Variants in SATB1 observed in about 807,000 individuals in gnomAD.
SATB1 encodes the protein DNA-binding protein SATB1.
In SATB1, 11 loss-of-function variants were observed where a neutral mutation model predicts 86.9. The ratio of observed to expected loss-of-function variants is 0.13; its 90% CI spans 0.08 to 0.21. The LOEUF (loss-of-function observed/expected upper bound fraction) is 0.21. Ranked by LOEUF, SATB1 falls within the 10% of genes least tolerant of loss-of-function variation. SATB1 has a pLI of 1.00. For missense variants in SATB1, 551 were observed against 937.6 expected (o/e 0.59, Z 5.39); for synonymous variants, 357 against 357.2 (o/e 1.00, Z 0.01).
chr3:18,432,340 T>G (rs993802233), intron 2 of SATB1, among the ~76,000 whole-genome samples: 1 of 152,204 alleles, frequency 6.6e-6, no homozygotes, highest in Non-Finnish European at 1.5e-5. Context: ...GATGTACATA[T>G]CAACCAAATT....
At position 18,349,640 on chromosome 3, in the gene SATB1, CCTGCTGCTG is replaced by C. The variant is rs759934751; in HGVS notation, c.1813_1821del (p.Gln605_Gln607del). On this transcript the variant is annotated inframe_deletion, in exon 11 of 11. Coordinates refer to ENST00000338745, the MANE Select transcript of SATB1 (RefSeq NM_002971.6). The surrounding 1 kb of genome is among the most constrained non-coding windows in gnomAD (Gnocchi z 5.5). ...TGCTGTGGCTGTGGAGGCGGCGGTG[CCTGCTGCTG>C]CTGCTGCTGCTGTTGCTGTTGCTGC... is the stretch of plus-strand genomic sequence containing the variant. The C allele has an allele frequency of 2.5e-6, 4 of 1,609,580 alleles. No individual in the cohort carries two copies. Among genetic ancestry groups the C allele is most frequent in the Non-Finnish European group, 3.4e-6 (4 of 1,178,122 alleles).
intron 9 of SATB1, among the ~76,000 whole-genome samples, chr3:18,360,348 A>C (rs1180610301): frequency 6.6e-6 from 1 of 152,130 alleles, no homozygotes; most frequent in African/African-American, 2.4e-5. Flanking sequence ...CATGACCTTC[A>C]GTGGCTTCCC....
chr3:18,352,420 G>A lies in SATB1; in HGVS notation c.1576-225C>T. The A allele has an allele frequency of 4.0e-6, 2 of 501,428 alleles. No homozygotes were observed. The highest frequency in any genetic ancestry group is 7.2e-6 in the Non-Finnish European group (2 of 278,730). The allele number at this position is 501,428 out of a possible 1,614,324, so 31.1% of individuals were successfully genotyped here. On this transcript the variant is annotated intron_variant, in intron 9 of 10. Transcript: ENST00000338745. The surrounding 1 kb of genome is among the most constrained non-coding windows in gnomAD (Gnocchi z 4.1). ...AGTTCAGATTTGCATCTCAAAGGAG[G>A]GACATATTTTTTCAGACTCTGAGGG...
chr3:18,366,436 T>C (rs1335714439), intron 9 of SATB1, among the ~76,000 whole-genome samples: 1 of 146,550 alleles, frequency 6.8e-6, no homozygotes, highest in African/African-American at 2.7e-5. Context: ...GAAAAAAACT[T>C]CCATCAATCA....
In SATB1 at chr3:18,348,897, G is replaced by A. The variant is rs929172781; in HGVS notation, c.*273C>T. On this transcript the variant is annotated 3_prime_UTR_variant, in exon 11 of 11. Transcript: ENST00000338745. Reference sequence around the variant, plus strand: ...CAAAAAACACTGGTTTCATGCTTACGGGGTACACACTTTGGTGCATCCCGT... The same window carrying A: ...CAAAAAACACTGGTTTCATGCTTACAGGGTACACACTTTGGTGCATCCCGT... The A allele has an allele frequency of 2.7e-5, 12 of 443,176 alleles. No homozygotes were observed. Among genetic ancestry groups the A allele is most frequent in the African/African-American group, 8.0e-5 (4 of 50,072 alleles). The allele number at this position is 443,176 out of a possible 1,614,324, so 27.5% of individuals were successfully genotyped here.
chr3:18,386,720 C>A lies in SATB1; in HGVS notation c.1207-109G>T. 1.2e-6 allele frequency: 1 copy of A among 810,796 alleles called. No homozygotes were observed. The highest frequency in any genetic ancestry group is 1.7e-5 in the African/African-American group (1 of 58,700). The allele number at this position is 810,796 out of a possible 1,614,324, so 50.2% of individuals were successfully genotyped here. ...TGTTTAGAAAATGAACAGTCAGAGG[C>A]ATTAATTCTGCATAGGAATATATTA... On this transcript the variant is annotated intron_variant, in intron 7 of 10. Coordinates refer to ENST00000338745, the MANE Select transcript of SATB1 (RefSeq NM_002971.6). This position sits in a 1 kb window ranked among gnomAD's most constrained non-coding sequence, Gnocchi z 4.5.
In SATB1 at chr3:18,416,184, A is replaced by G. The variant is rs111726007; in HGVS notation, c.389-51T>C. The G allele has an allele frequency of 2.4e-5, 36 of 1,473,338 alleles. No individual in the cohort carries two copies. In the South Asian group the frequency reaches 2.9e-4, roughly 12 times the overall value. The allele number at this position is 1,473,338 out of a possible 1,614,324, so 91.3% of individuals were successfully genotyped here. A position where few individuals can be genotyped will look rare whatever the true frequency, so the allele number is the denominator to read the frequency against. ...ACTAAATATTTTACCCTCAGATAAT[A>G]TATCTACTAGAAGGGTGTTCTTTTC... is the stretch of plus-strand genomic sequence containing the variant. On this transcript the variant is annotated intron_variant, in intron 3 of 10. Transcript: ENST00000338745.
intron 5 of SATB1, among the ~76,000 whole-genome samples, chr3:18,406,001 T>A (rs936709610): frequency 2.6e-5 from 4 of 152,010 alleles, no homozygotes; most frequent in African/African-American, 9.7e-5. Context: ...ATCATCTCAT[T>A]AGAAGTTATG....
chr3:18,391,928 T>G (rs1696696940), intron 7 of SATB1, among the ~76,000 whole-genome samples: 1 of 152,240 alleles, frequency 6.6e-6, no homozygotes, highest in Non-Finnish European at 1.5e-5. Context: ...AATAAATTCA[T>G]GCCTGCATGT....
intron 6 of SATB1, among the ~76,000 whole-genome samples, chr3:18,396,357 C>T (rs958704204): frequency 2.0e-5 from 3 of 151,944 alleles, no homozygotes; most frequent in African/African-American, 7.3e-5. Flanking sequence ...ATGCCCATTC[C>T]TATATTATTT....
rs1168895713 is a variant in SATB1 at position 18,346,364 on chromosome 3, C to T, written c.*2806G>A. 6.6e-6 allele frequency: 1 copy of T among 152,076 alleles called. No homozygotes were observed. Among genetic ancestry groups the T allele is most frequent in the South Asian group, 2.1e-4 (1 of 4,826 alleles). 9.4% of individuals were successfully genotyped at this position (152,076 alleles called of 1,614,324 possible). A position where few individuals can be genotyped will look rare whatever the true frequency, so the allele number is the denominator to read the frequency against. On this transcript the variant is annotated 3_prime_UTR_variant, in exon 11 of 11. Coordinates refer to ENST00000338745, the MANE Select transcript of SATB1 (RefSeq NM_002971.6). ...ACAGCACAAAACGCTATGTCATGCCCAGCTTTTAAAAGTCTCTGAAATACT... is the reference window on the plus strand; with the variant it reads ...ACAGCACAAAACGCTATGTCATGCCTAGCTTTTAAAAGTCTCTGAAATACT...
chr3:18,439,018 A>T (rs924447577), upstream of SATB1, among the ~76,000 whole-genome samples: 1 of 152,198 alleles, frequency 6.6e-6, no homozygotes, highest in African/African-American at 2.4e-5. Context: ...GTAATAAAAT[A>T]TTGCACAGTT....
At chr3:18,409,585 T>G (rs954225123) in intron 5 of SATB1, 1 of 152,012 alleles carries the variant, frequency 6.6e-6, no homozygotes, top group Non-Finnish European at 1.5e-5. Flanking sequence ...GTAATACAAT[T>G]GCTGAAAAGT....
At chr3:18,403,873 T>TC (rs2125133897) in intron 5 of SATB1, among the ~76,000 whole-genome samples, 1 of 152,174 alleles carries the variant, frequency 6.6e-6, no homozygotes, top group East Asian at 1.9e-4. Context: ...TTTGAGAAGT[T>TC]CAACTTCATA....
upstream of SATB1, chr3:18,438,719 C>T (rs1161086773): frequency 6.6e-6 from 1 of 152,328 alleles, no homozygotes; most frequent in African/African-American, 2.4e-5. Flanking sequence ...GCCTGTGAAG[C>T]AGCTGGACCA....
intron 9 of SATB1, among the ~76,000 whole-genome samples, chr3:18,362,018 G>A (rs1042849411): frequency 6.6e-6 from 1 of 152,010 alleles, no homozygotes; most frequent in African/African-American, 2.4e-5. Context: ...CTAGGTATTA[G>A]TTTTGTAATA....
intron 10 of SATB1, chr3:18,351,756 A>C: frequency 1.8e-6 from 1 of 551,860 alleles, no homozygotes; most frequent in East Asian, 3.0e-5. Context: ...GAGTGTAAAA[A>C]AGGGGTTCCT....
chr3:18,355,612 G>C (rs897280328), intron 9 of SATB1, among the ~76,000 whole-genome samples: 1 of 151,954 alleles, frequency 6.6e-6, no homozygotes, highest in African/African-American at 2.4e-5. Flanking sequence ...GGGGAGCAGA[G>C]ATGAGGAATG....
chr3:18,407,598 G>A (rs1045718508), intron 5 of SATB1, among the ~76,000 whole-genome samples: 2 of 151,870 alleles, frequency 1.3e-5, no homozygotes, highest in Non-Finnish European at 2.9e-5. Flanking sequence ...ATTATCTTCC[G>A]ACTTTATAGA....
Sources: allele counts gnomAD v4.1 joint callset (sites outside exome capture counted in the v4.1 genomes callset), GRCh38; gene constraint gnomAD v4.1.1; non-coding constraint Gnocchi (gnomAD v3.1); transcripts MANE v1.5; gene names NCBI Gene and HGNC (gene_info 2026-07-23, HGNC 2026-07-21).